TNIK: variants seen among roughly 807,000 people sequenced by gnomAD.
TNIK encodes TRAF2 and NCK interacting kinase.
A neutral mutation model predicts 191.3 loss-of-function variants in TNIK; 49 were observed. That is an observed-to-expected ratio of 0.26 (90% CI 0.20 to 0.32). The LOEUF is 0.32. Ranked by LOEUF, TNIK falls within the 10% of genes least tolerant of loss-of-function variation. The pLI is 1.00. For synonymous variants in TNIK, 594 were observed against 600.9 expected (o/e 0.99, Z 0.17); for missense variants, 1,155 against 1,702.3 (o/e 0.68, Z 5.66).
intron 1 of TNIK, among the ~76,000 whole-genome samples, chr3:171,450,040 A>T (rs564657189): frequency 6.6e-6 from 1 of 152,300 alleles, no homozygotes; most frequent in Admixed American, 6.5e-5. Context: ...CGTCTCAAAC[A>T]TAAAAAAAAA....
chr3:171,341,070 G>T (rs1472836221), intron 2 of TNIK, among the ~76,000 whole-genome samples: 1 of 152,122 alleles, frequency 6.6e-6, no homozygotes, highest in Admixed American at 6.5e-5. Flanking sequence ...TGAGCTTATG[G>T]CTATTAATGC....
At chr3:171,392,341 G>C (rs1458704588) in intron 1 of TNIK, among the ~76,000 whole-genome samples, 1 of 152,202 alleles carries the variant, frequency 6.6e-6, no homozygotes, top group Admixed American at 6.5e-5. Context: ...TAAACTGGTG[G>C]CTATGAGAAA....
intron 2 of TNIK, among the ~76,000 whole-genome samples, chr3:171,230,742 G>A (rs150965643): frequency 2.6e-5 from 4 of 151,986 alleles, no homozygotes; most frequent in Admixed American, 6.6e-5. Flanking sequence ...TCGATTCCTC[G>A]TCACCTCTGT....
chr3:171,111,459 A>G (rs1560128700), intron 18 of TNIK, among the ~76,000 whole-genome samples: 1 of 150,330 alleles, frequency 6.7e-6, no homozygotes, highest in Non-Finnish European at 1.5e-5. Flanking sequence ...AACCACAATG[A>G]GATATGACCT....
At chr3:171,299,043 A>G (rs1336217364) in intron 2 of TNIK, among the ~76,000 whole-genome samples, 1 of 152,152 alleles carries the variant, frequency 6.6e-6, no homozygotes, top group Non-Finnish European at 1.5e-5. Flanking sequence ...TCCTCCTGAA[A>G]TGAAGGAAGA....
intron 2 of TNIK, among the ~76,000 whole-genome samples, chr3:171,289,925 G>A (rs1342018787): frequency 6.7e-6 from 1 of 148,308 alleles, no homozygotes; most frequent in Admixed American, 6.7e-5. Flanking sequence ...AAAAAAAAGT[G>A]TAAAGAAAGG....
intron 3 of TNIK, chr3:171,225,469 A>G (rs1374313268): frequency 4.7e-6 from 2 of 429,218 alleles, no homozygotes; most frequent in Non-Finnish European, 9.2e-6. Context: ...AATTAAGCCT[A>G]AATACTATAA....
intron 2 of TNIK, among the ~76,000 whole-genome samples, chr3:171,327,232 T>C (rs116652121): frequency 0.017 from 2,660 of 152,250 alleles, 72 homozygotes; most frequent in African/African-American, 0.061. Flanking sequence ...GAGTATGAAG[T>C]GGCTTGTAGT....
rs1743194368 is a variant in TNIK, at chr3:171,228,315, T to C, written c.124-94A>G. 4 of 1,306,746 alleles carry C rather than the reference T, an allele frequency of 3.1e-6. No individual in the cohort carries two copies. The East Asian group carries it at 7.0e-5, about 23-fold the overall frequency. The allele number at this position is 1,306,746 out of a possible 1,614,324, so 80.9% of individuals were successfully genotyped here. Reference sequence around the variant, plus strand: ...AAAGAAAAATTGCTTGGATCAGTGCTGTACTATGTCAATGGGGGGAGAGAG... The same window carrying C: ...AAAGAAAAATTGCTTGGATCAGTGCCGTACTATGTCAATGGGGGGAGAGAG... On this transcript the variant is annotated intron_variant, in intron 2 of 32. Coordinates refer to ENST00000436636, the MANE Select transcript of TNIK (RefSeq NM_015028.4).
At chr3:171,099,845 A>G (rs964296025) in intron 22 of TNIK, among the ~76,000 whole-genome samples, 1 of 152,154 alleles carries the variant, frequency 6.6e-6, no homozygotes, top group Non-Finnish European at 1.5e-5. Context: ...GAGGGTGAAC[A>G]CCATTAATAG....
Position 171,062,524 on chromosome 3 carries a change from A to G in TNIK, c.*1357T>C, listed in dbSNP as rs1267523048. ...CATAAAAGTTCAAATCATTTGAGTA[A>G]GAGTTTATAAGGACACAAGTCAACC... On this transcript the variant is annotated 3_prime_UTR_variant, in exon 33 of 33. Coordinates refer to ENST00000436636, the MANE Select transcript of TNIK (RefSeq NM_015028.4). The G allele has an allele frequency of 2.0e-5, 3 of 152,218 alleles. No homozygotes were observed. Among genetic ancestry groups the G allele is most frequent in the Admixed American group, 1.3e-4 (2 of 15,282 alleles). The allele number at this position is 152,218 out of a possible 1,614,324, so 9.4% of individuals were successfully genotyped here. A position where few individuals can be genotyped will look rare whatever the true frequency, so the allele number is the denominator to read the frequency against.
intron 1 of TNIK, among the ~76,000 whole-genome samples, chr3:171,397,406 T>C (rs917155531): frequency 6.6e-6 from 1 of 152,172 alleles, no homozygotes; most frequent in African/African-American, 2.4e-5. Flanking sequence ...TTTAACACAG[T>C]ATTTCTGAAT....
chr3:171,104,155 A>C (rs1239265722), intron 21 of TNIK, among the ~76,000 whole-genome samples: 1 of 152,130 alleles, frequency 6.6e-6, no homozygotes, highest in Admixed American at 6.5e-5. Flanking sequence ...GAATAATTCC[A>C]AAGTAATACC....
chr3:171,225,740 T>C (rs1203769854), intron 3 of TNIK: 58 of 405,696 alleles, frequency 1.4e-4, no homozygotes. Context: ...CTGGTTCTAC[T>C]TGTGAGGCTT....
intron 10 of TNIK, among the ~76,000 whole-genome samples, chr3:171,161,584 A>T (rs537463752): frequency 1.3e-5 from 2 of 152,336 alleles, no homozygotes; most frequent in East Asian, 3.9e-4. Context: ...GGAATTAAAA[A>T]ATAATTTTTT....
At chr3:171,391,835 AT>A (rs1464478501) in intron 1 of TNIK, among the ~76,000 whole-genome samples, 2 of 152,224 alleles carry the variant, frequency 1.3e-5, no homozygotes, top group East Asian at 3.8e-4. Flanking sequence ...CCTATAGTAT[AT>A]AACAATAACT....
At chr3:171,124,186 G>A (rs997496292) in intron 17 of TNIK, among the ~76,000 whole-genome samples, 10 of 152,186 alleles carry the variant, frequency 6.6e-5, no homozygotes, top group African/African-American at 2.4e-4. Flanking sequence ...TCAGGATAGA[G>A]CTTAAGACAT....
At chr3:171,257,092 T>C (rs1394485299) in intron 2 of TNIK, among the ~76,000 whole-genome samples, 1 of 151,896 alleles carries the variant, frequency 6.6e-6, no homozygotes, top group Non-Finnish European at 1.5e-5. Context: ...AGAGGAACAA[T>C]GAAGTCATGA....
intron 2 of TNIK, among the ~76,000 whole-genome samples, chr3:171,338,147 C>T (rs1350376184): frequency 2.0e-5 from 3 of 151,620 alleles, no homozygotes; most frequent in Non-Finnish European, 4.4e-5. Context: ...CTCCCCACTC[C>T]AAGTCTTTGA....
Sources: gnomAD v4.1 joint callset for allele counts (sites outside exome capture counted in the v4.1 genomes callset) on GRCh38, gnomAD v4.1.1 for gene constraint, MANE v1.5 for transcripts, NCBI Gene and HGNC (gene_info 2026-07-23, HGNC 2026-07-21) for gene names.